The following KLHL26 variants were observed in gnomAD, a reference collection of about 807,000 sequenced individuals.
KLHL26 encodes the protein kelch like family member 26.
KLHL26 carries 4 observed loss-of-function variants against 7.1 expected under a neutral mutation model. The ratio of observed to expected loss-of-function variants is 0.56; its 90% CI spans 0.28 to 1.28. The LOEUF (loss-of-function observed/expected upper bound fraction) is 1.28, where lower values mean the gene tolerates loss of function less well. Among genes scored for constraint, KLHL26 ranks in the 50% most tolerant of loss-of-function variants. The probability of loss-of-function intolerance (pLI) is 0.11; values close to 1 mark genes in which losing one functional copy is unlikely to be tolerated. For synonymous variants in KLHL26, 465 were observed against 414.1 expected, an observed-to-expected ratio of 1.12 and a Z score of -1.49; for missense variants, 896 against 924.6, an observed-to-expected ratio of 0.97 and a Z score of 0.40.
At chr19:18,652,003 G>T (rs2052263214) in intron 1 of KLHL26, among the ~76,000 whole-genome samples, 1 of 152,212 alleles carries the variant, frequency 6.6e-6, no homozygotes, top group South Asian at 2.1e-4. Context: ...TGGGGACCCA[G>T]CTGGGCCATG....
At chr19:18,652,842 T>A (rs1401624782) in intron 1 of KLHL26, among the ~76,000 whole-genome samples, 1 of 152,076 alleles carries the variant, frequency 6.6e-6, no homozygotes, top group African/African-American at 2.4e-5. Flanking sequence ...GGTGGTGCAG[T>A]TCTGGTTCCT....
At position 18,650,936 on chromosome 19, in the gene KLHL26, C is replaced by T. The variant is rs1271072479; in HGVS notation, c.84-13325C>T. 6.6e-6 allele frequency among the ~76,000 whole-genome samples: 1 copy of T among 152,062 alleles called. No individual in the cohort carries two copies. The highest frequency in any genetic ancestry group is 2.4e-5 in the African/African-American group (1 of 41,400). ...AGCTGGTGTGCACTGCAGGGAGAGG[C>T]GGCAGCTGGAAAAGTGTTAAGGCCA... is the stretch of plus-strand genomic sequence containing the variant. On this transcript the variant is annotated intron_variant, in intron 1 of 2. Coordinates refer to ENST00000300976, the MANE Select transcript of KLHL26 (RefSeq NM_018316.3). The surrounding 1 kb of genome is among the most constrained non-coding windows in gnomAD (Gnocchi z 4.2).
At chr19:18,665,705 G>A (rs1284089759) in intron 2 of KLHL26, among the ~76,000 whole-genome samples, 1 of 152,224 alleles carries the variant, frequency 6.6e-6, no homozygotes, top group African/African-American at 2.4e-5. Flanking sequence ...AGGGCTGTGG[G>A]GTGGGGGGTG....
chr19:18,666,721 CTCCTGGTGGGGGCTCCAT>C (rs1177803900), intron 2 of KLHL26, among the ~76,000 whole-genome samples: 1 of 152,216 alleles, frequency 6.6e-6, no homozygotes, highest in Admixed American at 6.5e-5. Context: ...CCAGCACAGC[CTCCTGGTGGGGGCTCCAT>C]TCCTGGGGAC....
In KLHL26 at chr19:18,668,539, A is replaced by AC; in HGVS notation, c.1143dup (p.Ala382ArgfsTer58). 1 of 1,594,792 alleles carries AC rather than the reference A, an allele frequency of 6.3e-7. No homozygotes were observed. Among genetic ancestry groups the AC allele is most frequent in the South Asian group, 1.1e-5 (1 of 90,664 alleles). On this transcript the variant is annotated frameshift_variant, in exon 3 of 3. Transcript: ENST00000300976. LOFTEE classifies it low-confidence loss of function (END_TRUNC). ...TACCGCAGCGGCGAGGGCGCAGTGG[A>AC]CGCCTGCTACCGCTACGACCCCCAC...
intron 1 of KLHL26, among the ~76,000 whole-genome samples, chr19:18,647,602 G>A (rs1358143511): frequency 2.0e-5 from 3 of 151,450 alleles, no homozygotes; most frequent in Non-Finnish European, 4.4e-5. Flanking sequence ...AGGAAGAGGA[G>A]GAGGAGAAAA....
chr19:18,645,192 C>T (rs1044329200), intron 1 of KLHL26, among the ~76,000 whole-genome samples: 2 of 152,150 alleles, frequency 1.3e-5, no homozygotes, highest in African/African-American at 4.8e-5. Flanking sequence ...CAGCTGGCCT[C>T]CTCCCAGCTC....
intron 1 of KLHL26, among the ~76,000 whole-genome samples, chr19:18,638,377 T>C (rs1976655757): frequency 6.6e-6 from 1 of 152,308 alleles, no homozygotes; most frequent in Admixed American, 6.5e-5. Context: ...GCAAAGGCCC[T>C]GCCTGTTCCT....
chr19:18,655,790 C>T (rs767755775), intron 1 of KLHL26, among the ~76,000 whole-genome samples: 17 of 124,840 alleles, frequency 1.4e-4, no homozygotes, highest in Non-Finnish European at 2.2e-4. Context: ...CTCTTGTTGG[C>T]CTTGAGAAGT....
chr19:18,671,711 T>C lies in KLHL26; in HGVS notation c.*2466T>C, dbSNP rs2052525982. 6.6e-6 allele frequency: 1 copy of C among 152,082 alleles called. No individual in the cohort carries two copies. The highest frequency in any genetic ancestry group is 2.4e-5 in the African/African-American group (1 of 41,348). 9.4% of individuals were successfully genotyped at this position (152,082 alleles called of 1,614,324 possible). On this transcript the variant is annotated 3_prime_UTR_variant, in exon 3 of 3. Transcript: ENST00000300976. ...TTAAACATGAAAAAGCTGTTTTTAA[T>C]TTAGCAGAAACTGGCTTGAATCTTC...
rs367948207 is a variant in KLHL26 at position 18,668,348 on chromosome 19, G to T, written c.951G>T (p.Thr317=). The part of the protein sequence containing the change: ...DVPSLVTFGG[T]PYTDSDRSVS... ...CCTCGCTCGTCACCTTCGGCGGCAC[G>T]CCCTACACCGACAGCGACCGCTCGG... Residue 317 remains threonine (T), a synonymous_variant, in exon 3 of 3, where the codon ACG becomes ACT. Transcript: ENST00000300976. The T allele has an allele frequency of 1.2e-6, 2 of 1,607,940 alleles. No individual in the cohort carries two copies. Among genetic ancestry groups the T allele is most frequent in the Non-Finnish European group, 8.5e-7 (1 of 1,178,866 alleles).
chr19:18,668,047 G>T lies in KLHL26; in HGVS notation c.650G>T (p.Arg217Leu). 6.2e-7 allele frequency: 1 copy of T among 1,608,162 alleles called. No individual in the cohort carries two copies. The highest frequency in any genetic ancestry group is 2.2e-5 in the East Asian group (1 of 44,872). ...ERLVFFLQSN[R>L]LQSCAEIDLF... ...CTGGTCTTCTTCCTGCAGAGCAACC[G>T]GCTGCAGAGCTGTGCCGAGATCGAC... The change falls in exon 3 of 3, where the codon CGG (arginine) becomes CTG (leucine). Residue 217 changes from arginine to leucine, a missense_variant. Transcript: ENST00000300976.
chr19:18,658,137 G>A (rs888845934), intron 1 of KLHL26, among the ~76,000 whole-genome samples: 2 of 152,176 alleles, frequency 1.3e-5, no homozygotes, highest in Non-Finnish European at 2.9e-5. Context: ...GCAGGGGCAC[G>A]CTGGGCCGCG....
intron 2 of KLHL26, among the ~76,000 whole-genome samples, chr19:18,666,095 C>T (rs575543391): frequency 2.2e-4 from 33 of 152,380 alleles, no homozygotes; most frequent in African/African-American, 7.9e-4. Flanking sequence ...CGCCTGCGAC[C>T]GCCTCTGCCT....
At chr19:18,638,846 G>A (rs1383792772) in intron 1 of KLHL26, among the ~76,000 whole-genome samples, 1 of 151,994 alleles carries the variant, frequency 6.6e-6, no homozygotes, top group Admixed American at 6.6e-5. Context: ...GACTACAGGT[G>A]TGCACCACCA....
intron 1 of KLHL26, among the ~76,000 whole-genome samples, chr19:18,655,119 C>T (rs996404919): frequency 1.3e-5 from 2 of 152,020 alleles, no homozygotes; most frequent in African/African-American, 4.8e-5. Context: ...AGCCGTAGAC[C>T]GAGGCTCTCC....
At chr19:18,654,755 A>G (rs1600697081) in intron 1 of KLHL26, among the ~76,000 whole-genome samples, 1 of 149,280 alleles carries the variant, frequency 6.7e-6, no homozygotes, top group African/African-American at 2.5e-5. Flanking sequence ...CCATCCATTC[A>G]CCCGCCCATT....
chr19:18,647,591 G>A (rs1976827458), intron 1 of KLHL26, among the ~76,000 whole-genome samples: 1 of 151,520 alleles, frequency 6.6e-6, no homozygotes, highest in Non-Finnish European at 1.5e-5. Context: ...GAGGGAGGAG[G>A]AGGAAGAGGA....
chr19:18,659,850 G>A (rs573555042), intron 1 of KLHL26: 29 of 152,380 alleles, frequency 1.9e-4, no homozygotes, highest in African/African-American at 6.3e-4. Context: ...ATCCTCCCAC[G>A]AGGCTTCATC....
Sources: gnomAD v4.1 joint callset for allele counts (sites outside exome capture counted in the v4.1 genomes callset) on GRCh38, gnomAD v4.1.1 for gene constraint, Gnocchi (gnomAD v3.1) non-coding constraint, MANE v1.5 for transcripts, NCBI Gene and HGNC (gene_info 2026-07-23, HGNC 2026-07-21) for gene names.